The following GCFC2 variants were observed in gnomAD, a reference collection of about 807,000 sequenced individuals.
GCFC2 encodes GC-rich sequence DNA-binding factor 2.
In GCFC2, 102 loss-of-function variants were observed where a neutral mutation model predicts 99.4. The ratio of observed to expected loss-of-function variants is 1.03; its 90% CI spans 0.87 to 1.21. The LOEUF is 1.21. Ranked by LOEUF, GCFC2 falls within the 50% of genes most tolerant of loss-of-function variation. GCFC2 has a pLI of 0.00. For missense variants in GCFC2, 973 were observed against 920.9 expected, an observed-to-expected ratio of 1.06 and a Z score of -0.73; for synonymous variants, 338 against 316.8, an observed-to-expected ratio of 1.07 and a Z score of -0.71.
intron 4 of GCFC2, among the ~76,000 whole-genome samples, chr2:75,700,794 T>C (rs1323855071): frequency 6.6e-6 from 1 of 152,162 alleles, no homozygotes; most frequent in Non-Finnish European, 1.5e-5. Context: ...AACATGACCT[T>C]ATTTGGAAAA....
At position 75,694,421 on chromosome 2, in the gene GCFC2, T is replaced by C. The variant is rs779132552; in HGVS notation, c.840A>G (p.Thr280=). The C allele has an allele frequency of 7.6e-7, 1 of 1,312,054 alleles. No homozygotes were observed. The highest frequency in any genetic ancestry group is 1.0e-6 in the Non-Finnish European group (1 of 980,366). 81.3% of individuals were successfully genotyped at this position (1,312,054 alleles called of 1,614,324 possible). ...IIKKQLNTRL[T]LLQETHRSHL... is the part of the protein sequence containing the mutation. ...GTGAGCGGTGAGTTTCCTGTAGTAA[T>C]GTTAATCTAAATAAATAAAATAAAA... Residue 280 remains threonine (T), a synonymous_variant, in exon 6 of 17, where the codon ACA becomes ACG. Coordinates refer to ENST00000321027, the MANE Select transcript of GCFC2 (RefSeq NM_003203.5).
In GCFC2 at chr2:75,663,301, T is replaced by G. The variant is rs532090298; in HGVS notation, c.*1365A>C. ...CTTTTGAACAACAATTTGCAAAATATATTTACAGTTTCCCTTAAGTTATTT... is the reference window on the plus strand; with the variant it reads ...CTTTTGAACAACAATTTGCAAAATAGATTTACAGTTTCCCTTAAGTTATTT... On this transcript the variant is annotated 3_prime_UTR_variant, in exon 17 of 17. Transcript: ENST00000321027. 3.3e-5 allele frequency: 5 copies of G among 152,332 alleles called. No homozygotes were observed. The South Asian group carries it at 1.0e-3, about 32-fold the overall frequency. 9.4% of individuals were successfully genotyped at this position (152,332 alleles called of 1,614,324 possible).
At chr2:75,679,653 G>A in intron 12 of GCFC2, 1 of 396,604 alleles carries the variant, frequency 2.5e-6, no homozygotes, top group East Asian at 3.6e-5. Context: ...TGAAACCATT[G>A]TTCAAGCAAA....
chr2:75,669,989 T>C, intron 15 of GCFC2, 149 bp downstream of exon 15: 1 of 506,004 alleles, frequency 2.0e-6, no homozygotes. Flanking sequence ...CCTCCCAAAG[T>C]GCTGGGATTA....
chr2:75,687,278 GAAGTT>G (rs1239591442), intron 11 of GCFC2, among the ~76,000 whole-genome samples: 5 of 152,036 alleles, frequency 3.3e-5, no homozygotes, highest in Non-Finnish European at 7.4e-5. Context: ...CACAATTAGA[GAAGTT>G]AAGGGGAAAA....
chr2:75,665,895 C>G (rs1678817002), intron 16 of GCFC2, 34 bp downstream of exon 16: 1 of 1,425,172 alleles, frequency 7.0e-7, no homozygotes, highest in Non-Finnish European at 9.7e-7. Context: ...TCCATGAACT[C>G]TCTTTATAGA....
chr2:75,674,659 CACATT>C (rs1251211912), intron 12 of GCFC2, among the ~76,000 whole-genome samples: 1 of 151,888 alleles, frequency 6.6e-6, no homozygotes, highest in Non-Finnish European at 1.5e-5. Context: ...TGGCATACTA[CACATT>C]AGAGTAAAAG....
chr2:75,689,903 C>G (rs896657089), intron 9 of GCFC2, 66 bp downstream of exon 9: 1 of 826,574 alleles, frequency 1.2e-6, no homozygotes, highest in Non-Finnish European at 2.0e-6. Flanking sequence ...TAAGGGCAAT[C>G]CCAGCAAAGT....
At chr2:75,695,122 T>C (rs1444156076) in intron 5 of GCFC2, among the ~76,000 whole-genome samples, 1 of 152,208 alleles carries the variant, frequency 6.6e-6, no homozygotes, top group Non-Finnish European at 1.5e-5. Flanking sequence ...TTATCCCTCA[T>C]GCAAGGTTAT....
At chr2:75,673,552 T>C (rs1679217691) in intron 12 of GCFC2, 32 bp from the exon 13 acceptor site, 1 of 899,500 alleles carries the variant, frequency 1.1e-6, no homozygotes. Context: ...GCATCAGTGA[T>C]AGAAGATAGA....
chr2:75,681,977 T>C (rs944255386), intron 11 of GCFC2, among the ~76,000 whole-genome samples: 4 of 151,948 alleles, frequency 2.6e-5, no homozygotes, highest in African/African-American at 9.7e-5. Context: ...CCATCTTCCA[T>C]GGACAGAGCA....
intron 8 of GCFC2, 134 bp downstream of exon 8, chr2:75,690,504 G>T (rs1475168450): frequency 8.1e-6 from 5 of 616,602 alleles, no homozygotes; most frequent in African/African-American, 1.9e-5. Context: ...ACTAAATTTT[G>T]CTTTTCTATT....
chr2:75,681,574 C>G (rs1336458651), intron 11 of GCFC2, among the ~76,000 whole-genome samples: 2 of 151,776 alleles, frequency 1.3e-5, no homozygotes, highest in African/African-American at 4.9e-5. Context: ...CCAGTGGCAC[C>G]TGGAACGCCA....
chr2:75,689,399 G>T (rs139322390), intron 9 of GCFC2, among the ~76,000 whole-genome samples, 174 bp from the exon 10 acceptor site: 9 of 152,088 alleles, frequency 5.9e-5, no homozygotes, highest in Non-Finnish European at 1.3e-4. Context: ...AACACTAATA[G>T]AAGTTACCAT....
intron 12 of GCFC2, among the ~76,000 whole-genome samples, chr2:75,678,793 C>A (rs1417206161): frequency 1.3e-5 from 2 of 152,218 alleles, no homozygotes; most frequent in Non-Finnish European, 2.9e-5. Context: ...GTTGCCCAGG[C>A]TGCAGTGTGG....
chr2:75,671,162 C>T (rs745770250), intron 14 of GCFC2, among the ~76,000 whole-genome samples: 11 of 152,158 alleles, frequency 7.2e-5, no homozygotes, highest in Non-Finnish European at 1.3e-4. Flanking sequence ...CTCTTGTGAT[C>T]ATCCTAAGGC....
chr2:75,706,653 T>C lies in GCFC2; in HGVS notation c.266-2A>G, dbSNP rs138140952. 692 of 1,551,846 alleles carry C rather than the reference T, an allele frequency of 4.5e-4. 1 individual carries two copies. The highest frequency in any genetic ancestry group is 5.3e-4 in the Non-Finnish European group (607 of 1,142,242). ...TGGACACATCAAGGGTTCTGGATTC[T>C]AACAGGACATTTTAAAAATACAACA... On this transcript the variant is annotated splice_acceptor_variant, in intron 1 of 16. Coordinates refer to ENST00000321027, the MANE Select transcript of GCFC2 (RefSeq NM_003203.5). LOFTEE classifies it high-confidence loss of function.
intron 2 of GCFC2, 56 bp from the exon 3 acceptor site, chr2:75,702,479 T>C: frequency 1.5e-6 from 2 of 1,373,256 alleles, no homozygotes; most frequent in Middle Eastern, 3.7e-4. Context: ...AAGTAAATAT[T>C]CCTCACATTT....
chr2:75,666,534 C>T (rs952404485), intron 15 of GCFC2, among the ~76,000 whole-genome samples: 1 of 151,962 alleles, frequency 6.6e-6, no homozygotes, highest in South Asian at 2.1e-4. Flanking sequence ...TGTTTTTAAT[C>T]TTCTATCAGT....
Sources: gnomAD v4.1 joint callset for allele counts (sites outside exome capture counted in the v4.1 genomes callset) on GRCh38, gnomAD v4.1.1 for gene constraint, MANE v1.5 for transcripts, NCBI Gene and HGNC (gene_info 2026-07-23, HGNC 2026-07-21) for gene names.